Variants in PGGT1B observed in about 807,000 individuals in gnomAD.
PGGT1B encodes protein geranylgeranyltransferase type I subunit beta.
In PGGT1B, 30 loss-of-function variants were observed where a neutral mutation model predicts 46.1. The observed-to-expected ratio is 0.65, with a 90% CI of 0.49 to 0.88. The LOEUF (loss-of-function observed/expected upper bound fraction) is 0.88, where lower values mean the gene tolerates loss of function less well. Ranked by LOEUF, PGGT1B falls within the 40% of genes least tolerant of loss-of-function variation. The probability of loss-of-function intolerance (pLI) is 0.00; values close to 1 mark genes in which losing one functional copy is unlikely to be tolerated. For missense variants in PGGT1B, 376 were observed against 455.9 expected (o/e 0.82, Z 1.60); for synonymous variants, 170 against 160.0 (o/e 1.06, Z -0.47).
intron 6 of PGGT1B, among the ~76,000 whole-genome samples, chr5:115,228,390 A>G (rs1386339043): frequency 6.6e-6 from 1 of 152,258 alleles, no homozygotes; most frequent in African/African-American, 2.4e-5. Flanking sequence ...ACAATAAACA[A>G]ATAGATAAAA....
In PGGT1B at chr5:115,237,923, G is replaced by A. The variant is rs1757231968; in HGVS notation, c.414C>T (p.Asp138=). The change falls in exon 4 of 9, where the codon GAC becomes GAT. Residue 138 remains aspartate, a synonymous_variant. Transcript: ENST00000419445. The part of the protein sequence containing the change: ...GLSCLVILGD[D]LSRVNKEACL... ...AAGCTTCTTTATTTACTCGGCTTAA[G>A]TCGTCTCCAAGAATAACTAAGCATG... is the stretch of plus-strand genomic sequence containing the variant. The A allele has an allele frequency of 6.2e-7, 1 of 1,612,402 alleles. No individual in the cohort carries two copies. The highest frequency in any genetic ancestry group is 8.5e-7 in the Non-Finnish European group (1 of 1,179,726).
chr5:115,248,222 T>C lies in PGGT1B; in HGVS notation c.259+4915A>G, dbSNP rs184507393. ...TAAAGCTATAAGACAGTCTCTGAGT[T>C]CCCATGAGAAAAATCTGTACCTCAC... On this transcript the variant is annotated intron_variant, in intron 2 of 8. Coordinates refer to ENST00000419445, the MANE Select transcript of PGGT1B (RefSeq NM_005023.4). 5.9e-3 allele frequency among the ~76,000 whole-genome samples: 895 copies of C among 152,240 alleles called. 37 individuals are homozygous for C. Among genetic ancestry groups the C allele is most frequent in the Admixed American group, 0.054 (828 of 15,280 alleles).
chr5:115,223,541 A>G (rs911271877), intron 6 of PGGT1B, among the ~76,000 whole-genome samples: 2 of 152,156 alleles, frequency 1.3e-5, no homozygotes, highest in Non-Finnish European at 2.9e-5. Context: ...CAAGGGACAG[A>G]TTCTCCTCTG....
chr5:115,250,780 C>T (rs953546994), intron 2 of PGGT1B, among the ~76,000 whole-genome samples: 2 of 152,162 alleles, frequency 1.3e-5, no homozygotes, highest in African/African-American at 2.4e-5. Flanking sequence ...ACATGACTAG[C>T]ACTCCAGAAG....
At chr5:115,235,946 AG>A (rs1375064397) in intron 5 of PGGT1B, among the ~76,000 whole-genome samples, 9 of 152,270 alleles carry the variant, frequency 5.9e-5, no homozygotes, top group Non-Finnish European at 1.2e-4. Context: ...TTTTATACAG[AG>A]ATGACACAGT....
At chr5:115,255,781 G>GAATA (rs1237206773) in intron 1 of PGGT1B, among the ~76,000 whole-genome samples, 7 of 152,044 alleles carry the variant, frequency 4.6e-5, no homozygotes, top group Non-Finnish European at 8.8e-5. Context: ...TCTAACTGAA[G>GAATA]AATATAAAGC....
At chr5:115,258,430 G>C (rs1364663188) in intron 1 of PGGT1B, among the ~76,000 whole-genome samples, 1 of 152,148 alleles carries the variant, frequency 6.6e-6, no homozygotes. Context: ...CTATATATAT[G>C]ACTATTCCTG....
chr5:115,229,517 T>G (rs928641626), intron 6 of PGGT1B, among the ~76,000 whole-genome samples: 3 of 152,152 alleles, frequency 2.0e-5, no homozygotes, highest in East Asian at 3.9e-4. Flanking sequence ...ATGACTTGTA[T>G]AACTCAGGAA....
At chr5:115,257,568 A>G (rs1343178561) in intron 1 of PGGT1B, among the ~76,000 whole-genome samples, 1 of 151,074 alleles carries the variant, frequency 6.6e-6, no homozygotes, top group Non-Finnish European at 1.5e-5. Context: ...AAAACAGTCT[A>G]TAGTCTGGAC....
rs1234343224 is a variant in PGGT1B at position 115,212,322 on chromosome 5, G to A, written c.*80C>T. The A allele has an allele frequency of 3.1e-6, 5 of 1,587,626 alleles. No individual in the cohort carries two copies. The highest frequency in any genetic ancestry group is 4.3e-6 in the Non-Finnish European group (5 of 1,168,200). Reference sequence around the variant, plus strand: ...TAAGACTCTACCTTTTAAAAAAAGAGCACACTTGGTTATACATGGCTTTTA... The same window carrying A: ...TAAGACTCTACCTTTTAAAAAAAGAACACACTTGGTTATACATGGCTTTTA... On this transcript the variant is annotated 3_prime_UTR_variant, in exon 9 of 9. Coordinates refer to ENST00000419445, the MANE Select transcript of PGGT1B (RefSeq NM_005023.4).
rs1297971472 is a variant in PGGT1B, at chr5:115,205,411, G to A, written c.*6991C>T. 3 of 152,054 alleles carry A rather than the reference G, an allele frequency of 2.0e-5. No homozygotes were observed. The highest frequency in any genetic ancestry group is 4.4e-5 in the Non-Finnish European group (3 of 67,998). 9.4% of individuals were successfully genotyped at this position (152,054 alleles called of 1,614,324 possible). On this transcript the variant is annotated 3_prime_UTR_variant, in exon 9 of 9. Transcript: ENST00000419445. ...AATGGCCACCCTTAATTTAGTTAGAGCCTCAAGATATTTAATGAAAAGTTT... is the reference window on the plus strand; with the variant it reads ...AATGGCCACCCTTAATTTAGTTAGAACCTCAAGATATTTAATGAAAAGTTT...
chr5:115,217,430 T>C (rs745474038), intron 7 of PGGT1B, among the ~76,000 whole-genome samples: 2 of 151,670 alleles, frequency 1.3e-5, no homozygotes, highest in African/African-American at 2.4e-5. Flanking sequence ...GTTTTGAAAA[T>C]AGTAAAAAAG....
At chr5:115,249,614 A>G (rs1748000460) in intron 2 of PGGT1B, among the ~76,000 whole-genome samples, 1 of 152,006 alleles carries the variant, frequency 6.6e-6, no homozygotes, top group Admixed American at 6.6e-5. Context: ...AGGTAATTGG[A>G]ATGAGTCAGG....
chr5:115,240,726 T>C (rs1167756246), intron 3 of PGGT1B, among the ~76,000 whole-genome samples: 1 of 152,164 alleles, frequency 6.6e-6, no homozygotes, highest in Non-Finnish European at 1.5e-5. Flanking sequence ...AACTGGTAGC[T>C]CTCCACTTAC....
At chr5:115,224,296 G>A (rs969017600) in intron 6 of PGGT1B, among the ~76,000 whole-genome samples, 2 of 151,780 alleles carry the variant, frequency 1.3e-5, no homozygotes, top group Non-Finnish European at 1.5e-5. Flanking sequence ...TCAAACTCCC[G>A]AAAAGTAAAA....
At chr5:115,252,988 T>G in intron 2 of PGGT1B, 149 bp downstream of exon 2, 1 of 656,806 alleles carries the variant, frequency 1.5e-6, no homozygotes, top group South Asian at 1.9e-5. Context: ...GTACTGTATT[T>G]CAACAGAATG....
chr5:115,223,227 T>C (rs1201098739), intron 6 of PGGT1B, among the ~76,000 whole-genome samples: 11 of 152,236 alleles, frequency 7.2e-5, no homozygotes, highest in South Asian at 2.1e-4. Context: ...AACGTATCCA[T>C]ACCCACTGCG....
rs1748181352 is a variant in PGGT1B, at chr5:115,253,257, TAAAAGAAA to T, written c.141-10_141-3del. On this transcript the variant is annotated splice_polypyrimidine_tract_variant and splice_region_variant and intron_variant, in intron 1 of 8. Transcript: ENST00000419445. ...AGTGCAAAAAATGCAATTGTCAACC[TAAAAGAAA>T]AAAATGTAAAATTCCATCTTAACTA... 6.4e-7 allele frequency: 1 copy of T among 1,569,568 alleles called. No homozygotes were observed. The highest frequency in any genetic ancestry group is 8.6e-7 in the Non-Finnish European group (1 of 1,164,742).
chr5:115,254,759 G>A (rs1748243280), intron 1 of PGGT1B, among the ~76,000 whole-genome samples: 1 of 152,038 alleles, frequency 6.6e-6, no homozygotes, highest in Admixed American at 6.6e-5. Context: ...GTGCACTTCA[G>A]AAATAAATAT....
Sources: gnomAD v4.1 joint callset for allele counts (sites outside exome capture counted in the v4.1 genomes callset) on GRCh38, gnomAD v4.1.1 for gene constraint, MANE v1.5 for transcripts, NCBI Gene and HGNC (gene_info 2026-07-23, HGNC 2026-07-21) for gene names.